Variants in CTNNA3 observed in about 807,000 individuals in gnomAD.
CTNNA3 encodes the protein catenin alpha-3.
In CTNNA3, 76 loss-of-function variants were observed where a neutral mutation model predicts 95.7. The ratio of observed to expected loss-of-function variants is 0.79; its 90% CI spans 0.66 to 0.96. CTNNA3 has a LOEUF of 0.96. Among genes scored for constraint, CTNNA3 ranks in the 40% least tolerant of loss-of-function variants. CTNNA3 has a pLI of 0.00. For synonymous variants in CTNNA3, 431 were observed against 374.4 expected (o/e 1.15, Z -1.74); for missense variants, 1,191 against 1,089.8 (o/e 1.09, Z -1.31).
At chr10:66,605,204 A>G (rs999833196) in intron 10 of CTNNA3, among the ~76,000 whole-genome samples, 3 of 152,170 alleles carry the variant, frequency 2.0e-5, no homozygotes, top group African/African-American at 7.2e-5. Context: ...TGAGGAAAGA[A>G]TCTCAGAGGC....
intron 9 of CTNNA3, among the ~76,000 whole-genome samples, chr10:66,651,383 G>A (rs966756674): frequency 6.6e-6 from 1 of 152,314 alleles, no homozygotes. Flanking sequence ...ACCTGACTCA[G>A]GAGCCCAGCT....
intron 2 of CTNNA3, among the ~76,000 whole-genome samples, chr10:67,625,514 A>G (rs2133422278): frequency 6.6e-6 from 1 of 152,320 alleles, no homozygotes; most frequent in East Asian, 1.9e-4. Context: ...ACTCCATGAA[A>G]ATGGCTCATT....
intron 11 of CTNNA3, among the ~76,000 whole-genome samples, chr10:66,478,380 T>C (rs530361309): frequency 6.6e-6 from 1 of 152,038 alleles, no homozygotes; most frequent in Non-Finnish European, 1.5e-5. Flanking sequence ...TTTAATAAAA[T>C]CTTCAAGAAT....
chr10:65,990,201 T>A (rs1367675685), intron 15 of CTNNA3, among the ~76,000 whole-genome samples: 2 of 151,954 alleles, frequency 1.3e-5, no homozygotes, highest in Admixed American at 1.3e-4. Flanking sequence ...GGGGTGCAGG[T>A]ATCCTTTTGA....
intron 12 of CTNNA3, among the ~76,000 whole-genome samples, chr10:66,361,569 G>T (rs1219098909): frequency 6.9e-6 from 1 of 144,494 alleles, no homozygotes; most frequent in Non-Finnish European, 1.5e-5. Context: ...ATAGGGTCTT[G>T]TTCTGTCTCC....
chr10:66,667,280 G>A (rs1293704944), intron 9 of CTNNA3, among the ~76,000 whole-genome samples: 7 of 150,302 alleles, frequency 4.7e-5, no homozygotes, highest in Admixed American at 6.7e-5. Flanking sequence ...ATCTATTCCC[G>A]CCTGTCCAGA....
At chr10:67,454,769 A>G (rs907227118) in intron 5 of CTNNA3, among the ~76,000 whole-genome samples, 4 of 152,202 alleles carry the variant, frequency 2.6e-5, no homozygotes, top group Non-Finnish European at 5.9e-5. Flanking sequence ...AAAAGGTATT[A>G]AAGAAAGTGG....
chr10:66,717,272 G>A (rs1418224068), intron 9 of CTNNA3, among the ~76,000 whole-genome samples: 2 of 152,042 alleles, frequency 1.3e-5, no homozygotes, highest in Non-Finnish European at 2.9e-5. Flanking sequence ...ACTGACACAG[G>A]TAAATAATTC....
intron 13 of CTNNA3, among the ~76,000 whole-genome samples, chr10:66,157,507 A>ATATG (rs2084598481): frequency 1.2e-5 from 1 of 84,232 alleles, no homozygotes; most frequent in African/African-American, 3.9e-5. Flanking sequence ...AGATAGATAG[A>ATATG]TAGATAGATA....
At chr10:66,586,220 C>T (rs920911959) in intron 10 of CTNNA3, among the ~76,000 whole-genome samples, 1 of 152,028 alleles carries the variant, frequency 6.6e-6, no homozygotes, top group East Asian at 1.9e-4. Context: ...TTTTATTCAA[C>T]GGGTTGAGTA....
At chr10:67,145,385 C>T (rs765595760) in intron 7 of CTNNA3, among the ~76,000 whole-genome samples, 1 of 151,538 alleles carries the variant, frequency 6.6e-6, no homozygotes, top group Admixed American at 6.6e-5. Context: ...GGTGTGGAAA[C>T]CTTGGTAATA....
At chr10:66,838,162 A>G (rs745590419) in intron 7 of CTNNA3, among the ~76,000 whole-genome samples, 2 of 152,140 alleles carry the variant, frequency 1.3e-5, no homozygotes, top group Non-Finnish European at 2.9e-5. Flanking sequence ...GCATGATTTA[A>G]TAGAATAGGA....
At chr10:66,356,899 G>C (rs1253911850) in intron 12 of CTNNA3, among the ~76,000 whole-genome samples, 1 of 151,938 alleles carries the variant, frequency 6.6e-6, no homozygotes, top group Admixed American at 6.6e-5. Context: ...CTGTTAATAT[G>C]GTGGGTTGCA....
At chr10:66,671,594 A>G (rs2132473454) in intron 9 of CTNNA3, among the ~76,000 whole-genome samples, 1 of 152,308 alleles carries the variant, frequency 6.6e-6, no homozygotes, top group East Asian at 1.9e-4. Context: ...CTAAATAGTT[A>G]TAATAATTGT....
chr10:66,479,817 C>T (rs1382154146), intron 11 of CTNNA3, among the ~76,000 whole-genome samples: 1 of 151,958 alleles, frequency 6.6e-6, no homozygotes, highest in Non-Finnish European at 1.5e-5. Flanking sequence ...AATACTTTAG[C>T]TGAATTTGTT....
At chr10:67,630,863 A>G (rs1839123515) in intron 2 of CTNNA3, among the ~76,000 whole-genome samples, 1 of 152,234 alleles carries the variant, frequency 6.6e-6, no homozygotes, top group East Asian at 1.9e-4. Context: ...TATTATTTTA[A>G]GGGATTTTGA....
intron 10 of CTNNA3, among the ~76,000 whole-genome samples, chr10:66,528,711 G>A (rs1218652246): frequency 3.3e-5 from 5 of 151,996 alleles, no homozygotes; most frequent in Admixed American, 1.3e-4. Context: ...TATTGACATC[G>A]GATCATGATA....
chr10:67,325,572 T>G (rs1841505992), intron 5 of CTNNA3, among the ~76,000 whole-genome samples: 1 of 152,220 alleles, frequency 6.6e-6, no homozygotes. Flanking sequence ...ATTTCTCATT[T>G]TATTACACTA....
chr10:67,183,452 C>T (rs895416170), intron 6 of CTNNA3, among the ~76,000 whole-genome samples: 34 of 151,904 alleles, frequency 2.2e-4, no homozygotes, highest in Admixed American at 4.6e-4. Context: ...AAAAACCAAA[C>T]ACCGCATGCT....
Sources: gnomAD v4.1 joint callset for allele counts (sites outside exome capture counted in the v4.1 genomes callset) on GRCh38, gnomAD v4.1.1 for gene constraint, MANE v1.5 for transcripts, NCBI Gene and HGNC (gene_info 2026-07-23, HGNC 2026-07-21) for gene names.